PKP1: variants seen among roughly 807,000 people sequenced by gnomAD.
The protein encoded by PKP1 is plakophilin-1.
Under a neutral mutation model 76.4 loss-of-function variants are expected in PKP1, and 27 were observed. The observed-to-expected ratio is 0.35, with a 90% CI of 0.26 to 0.49. The LOEUF is 0.49. PKP1 is among the 20% of genes least tolerant of loss of function. The pLI is 0.99. For missense variants in PKP1, 964 were observed against 955.2 expected (o/e 1.01, Z -0.12); for synonymous variants, 404 against 384.2 (o/e 1.05, Z -0.60).
At chr1:201,319,911 T>C in intron 6 of PKP1, 2 of 1,608,728 alleles carry the variant, frequency 1.2e-6, no homozygotes, top group Non-Finnish European at 1.7e-6. Flanking sequence ...GGAGGGACCG[T>C]TGCCACATGG....
At chr1:201,318,885 T>C in intron 6 of PKP1, 90 bp downstream of exon 6, 1 of 1,079,390 alleles carries the variant, frequency 9.3e-7, no homozygotes, top group East Asian at 2.6e-5. Flanking sequence ...AGCCGGTGCA[T>C]AGAACATAAC....
chr1:201,328,675 G>T (rs568723417), intron 12 of PKP1, 87 bp from the exon 13 acceptor site: 2 of 1,154,148 alleles, frequency 1.7e-6, no homozygotes, highest in East Asian at 2.3e-5. Context: ...AGCCGAGGTT[G>T]CTCTGGGAGG....
Position 201,293,255 on chromosome 1 carries a change from G to A in PKP1, c.203-687G>A, listed in dbSNP as rs187933619. Among the ~76,000 whole-genome samples, 278 of 152,296 alleles carry A rather than the reference G, an allele frequency of 1.8e-3. 1 individual carries two copies. Among genetic ancestry groups the A allele is most frequent in the Middle Eastern group, 0.01 (3 of 294 alleles). On this transcript the variant is annotated intron_variant, in intron 1 of 13. Transcript: ENST00000367324. ...CACTAGGAGCCCCAAATCCAGTTCT[G>A]TTTTCTGTGATGCAAAGCCACTTTG...
chr1:201,331,849 C>T lies in PKP1; in HGVS notation c.*1808C>T, dbSNP rs1216993897. On this transcript the variant is annotated 3_prime_UTR_variant, in exon 14 of 14. Coordinates refer to ENST00000367324, the MANE Select transcript of PKP1 (RefSeq NM_001005337.3). ...TTCTGTTCACACTGGGAGGCCCACT[C>T]CTGGCTCACCTCTCCCTCTCAGGGA... The T allele has an allele frequency of 6.6e-6, 1 of 152,372 alleles. No individual in the cohort carries two copies. Among genetic ancestry groups the T allele is most frequent in the Non-Finnish European group, 1.5e-5 (1 of 68,180 alleles). The allele number at this position is 152,372 out of a possible 1,614,324, so 9.4% of individuals were successfully genotyped here.
At chr1:201,288,795 C>T (rs1655813728) in intron 1 of PKP1, among the ~76,000 whole-genome samples, 1 of 152,160 alleles carries the variant, frequency 6.6e-6, no homozygotes, top group African/African-American at 2.4e-5. Flanking sequence ...CTGCCCAGTC[C>T]TCAGGCTTGG....
chr1:201,311,173 T>C (rs1656540318), intron 2 of PKP1, among the ~76,000 whole-genome samples: 1 of 152,232 alleles, frequency 6.6e-6, no homozygotes, highest in Non-Finnish European at 1.5e-5. Flanking sequence ...CATGTTGTCA[T>C]CTGCCACCTT....
chr1:201,320,769 T>C (rs1286209516), intron 7 of PKP1, among the ~76,000 whole-genome samples: 1 of 152,188 alleles, frequency 6.6e-6, no homozygotes, highest in Non-Finnish European at 1.5e-5. Context: ...CTGGCTGTGC[T>C]TCATTGGTGG....
chr1:201,319,014 C>T (rs532890978), intron 6 of PKP1, among the ~76,000 whole-genome samples: 17 of 152,272 alleles, frequency 1.1e-4, no homozygotes, highest in African/African-American at 3.9e-4. Flanking sequence ...GAGAATGCAG[C>T]GGACATTAGT....
At chr1:201,314,790 G>T (rs962228155) in intron 3 of PKP1, among the ~76,000 whole-genome samples, 1 of 152,226 alleles carries the variant, frequency 6.6e-6, no homozygotes, top group Non-Finnish European at 1.5e-5. Context: ...GACAAGTGCG[G>T]GAGACACAGC....
At chr1:201,293,046 G>A (rs1231857332) in intron 1 of PKP1, among the ~76,000 whole-genome samples, 1 of 152,226 alleles carries the variant, frequency 6.6e-6, no homozygotes. Flanking sequence ...AAGATTAGAA[G>A]GTAGTGGCCA....
At chr1:201,305,983 G>A (rs969933700) in intron 2 of PKP1, among the ~76,000 whole-genome samples, 17 of 152,206 alleles carry the variant, frequency 1.1e-4, no homozygotes, top group African/African-American at 4.1e-4. Context: ...TGGGGCCATG[G>A]AAGGGAGATG....
At chr1:201,301,401 T>G (rs1176687156) in intron 2 of PKP1, among the ~76,000 whole-genome samples, 1 of 152,204 alleles carries the variant, frequency 6.6e-6, no homozygotes, top group Non-Finnish European at 1.5e-5. Flanking sequence ...TTCCTTTAGC[T>G]TCACTAATCA....
chr1:201,313,341 G>A lies in PKP1; in HGVS notation c.482G>A (p.Cys161Tyr), dbSNP rs34704938. The A allele has an allele frequency of 4.4e-3, 6,994 of 1,588,826 alleles. 169 individuals are homozygous for A. The African/African-American group carries it at 0.064, about 14-fold the overall frequency. Residue 161 changes from cysteine (C) to tyrosine (Y), a missense_variant, in exon 3 of 14, where the codon TGT (cysteine) becomes TAT (tyrosine). Physicochemically the swap from Cys to Tyr is radical, Grantham distance 194. Coordinates refer to ENST00000367324, the MANE Select transcript of PKP1 (RefSeq NM_001005337.3). ...KASRSEPDLYCDPRGTLRKGT... is the reference protein window; with the variant it reads ...KASRSEPDLYYDPRGTLRKGT... ...AGCCGCAGTGAGCCCGACCTCTACT[G>A]TGACCCACGGGGCACCCTGCGCAAG...
rs540459096 is a variant in PKP1 at position 201,323,050 on chromosome 1, C to T, written c.1541C>T (p.Thr514Ile). The T allele has an allele frequency of 7.4e-6, 12 of 1,614,158 alleles. No homozygotes were observed. The Admixed American group carries it at 1.3e-4, about 18-fold the overall frequency. ...GACTGCCCCCTGCCTGAGGAAGAGA[C>T]CAACCCCAAGGGCAGCGGCTGGTTG... ...NYDCPLPEEE[T>I]NPKGSGWLYH... The change falls in exon 9 of 14, where the codon ACC becomes ATC. Residue 514 changes from threonine (T) to isoleucine (I), a missense_variant. Transcript: ENST00000367324.
intron 6 of PKP1, 132 bp downstream of exon 6, chr1:201,318,927 C>A: frequency 1.3e-6 from 1 of 798,948 alleles, no homozygotes; most frequent in Non-Finnish European, 2.1e-6. Context: ...TATGGGCAGG[C>A]TCCAAGACAC....
At position 201,325,951 on chromosome 1, in the gene PKP1, A is replaced by G. The variant is rs1467742311; in HGVS notation, c.2106+113A>G. The G allele has an allele frequency of 6.7e-6, 5 of 748,512 alleles. No homozygotes were observed. The Admixed American group carries it at 8.0e-5, about 12-fold the overall frequency. The allele number at this position is 748,512 out of a possible 1,614,324, so 46.4% of individuals were successfully genotyped here. On this transcript the variant is annotated intron_variant, in intron 12 of 13. Coordinates refer to ENST00000367324, the MANE Select transcript of PKP1 (RefSeq NM_001005337.3). ...TAGAGAAACGCCCCTGCCCTTCGGG[A>G]CAGTCTGAGAGACAAAGACAGCGTC...
chr1:201,311,091 G>A (rs1656537332), intron 2 of PKP1, among the ~76,000 whole-genome samples: 1 of 152,206 alleles, frequency 6.6e-6, no homozygotes, highest in Non-Finnish European at 1.5e-5. Context: ...GAGAACAAGG[G>A]TGCTCCTTGT....
chr1:201,290,670 G>A (rs568463391), intron 1 of PKP1, among the ~76,000 whole-genome samples: 1 of 152,272 alleles, frequency 6.6e-6, no homozygotes, highest in Non-Finnish European at 1.5e-5. Flanking sequence ...CAAGGGTTGG[G>A]CAAGGGAGAA....
chr1:201,283,679 G>A lies in PKP1; in HGVS notation c.-24G>A, dbSNP rs1009095071. On this transcript the variant is annotated 5_prime_UTR_variant, in exon 1 of 14. Transcript: ENST00000367324. ...CTCTCTGCTCTCCTAGGCCCCGGCC[G>A]CGCGCCACCCGCCTCCCGCCACCAT... is the stretch of plus-strand genomic sequence containing the variant. The A allele has an allele frequency of 6.2e-7, 1 of 1,607,042 alleles. No homozygotes were observed. Among genetic ancestry groups the A allele is most frequent in the Non-Finnish European group, 8.5e-7 (1 of 1,175,880 alleles).
Sources: allele counts gnomAD v4.1 joint callset (sites outside exome capture counted in the v4.1 genomes callset), GRCh38; gene constraint gnomAD v4.1.1; transcripts MANE v1.5; gene names NCBI Gene and HGNC (gene_info 2026-07-23, HGNC 2026-07-21).